The following RARB variants were observed in gnomAD, a reference collection of about 807,000 sequenced individuals.
RARB encodes HBV-activated protein.
RARB carries 17 observed loss-of-function variants against 51.9 expected under a neutral mutation model. That is an observed-to-expected ratio of 0.33 (90% confidence interval 0.22 to 0.49). RARB has a LOEUF of 0.49. RARB is among the 20% of genes least tolerant of loss of function. RARB has a pLI of 0.99. For synonymous variants in RARB, 215 were observed against 195.4 expected, an observed-to-expected ratio of 1.10 and a Z score of -0.84; for missense variants, 369 against 550.8, an observed-to-expected ratio of 0.67 and a Z score of 3.30.
intron 2 of RARB, among the ~76,000 whole-genome samples, chr3:24,969,791 GTT>G (rs1428598395): frequency 6.6e-6 from 1 of 152,096 alleles, no homozygotes; most frequent in Non-Finnish European, 1.5e-5. Context: ...TGGAGAAGAT[GTT>G]TCCTCAGAGA....
chr3:25,261,566 C>A (rs1702998513), intron 5 of RARB, among the ~76,000 whole-genome samples: 1 of 152,118 alleles, frequency 6.6e-6, no homozygotes, highest in Non-Finnish European at 1.5e-5. Flanking sequence ...TTTCAGATGT[C>A]AAATCCACCT....
intron 4 of RARB, among the ~76,000 whole-genome samples, chr3:25,165,808 C>T (rs559117241): frequency 6.6e-6 from 1 of 152,278 alleles, no homozygotes; most frequent in South Asian, 2.1e-4. Flanking sequence ...ATTTACATTA[C>T]TACTCTCATA....
rs533032390 is a variant in RARB, at chr3:25,234,494, C to T, written c.178+59919C>T. On this transcript the variant is annotated intron_variant, in intron 5 of 11. Coordinates refer to the RARB transcript ENST00000383772. ...TGTTTTATTTTTCTCTATAGATTTT[C>T]TGTTTCAAATTTTATTCTATTCTAT... Among the ~76,000 whole-genome samples the T allele has an allele frequency of 5.9e-5, 9 of 152,156 alleles. 1 individual carries two copies. In the South Asian group the frequency reaches 1.9e-3, roughly 32 times the overall value.
chr3:25,428,490 C>G lies in RARB; in HGVS notation c.-242C>G. ...GGAGAACTTGGGATCTTTCTGGGAA[C>G]CCCCCGCCCCGGCTGGATTGGCCGA... On this transcript the variant is annotated 5_prime_UTR_variant, in exon 1 of 8. Transcript: ENST00000330688. 3 of 1,266,902 alleles carry G rather than the reference C, an allele frequency of 2.4e-6. No individual in the cohort carries two copies. The highest frequency in any genetic ancestry group is 3.0e-6 in the Non-Finnish European group (3 of 1,007,778). 78.5% of individuals were successfully genotyped at this position (1,266,902 alleles called of 1,614,324 possible).
At chr3:25,375,092 C>G (rs572915800) in intron 5 of RARB, among the ~76,000 whole-genome samples, 1 of 152,276 alleles carries the variant, frequency 6.6e-6, no homozygotes, top group South Asian at 2.1e-4. Context: ...AATCATTACT[C>G]CACGGTGCTA....
rs528499839 is a variant in RARB at position 25,015,427 on chromosome 3, G to A, written c.-379-44698G>A. ...ATCTTTATAATTTGTTAAAATAACT[G>A]TGAAATAAATGGAATCCTGTTGTCT... is the stretch of plus-strand genomic sequence containing the variant. On this transcript the variant is annotated intron_variant, in intron 2 of 11. Transcript: ENST00000383772. Among the ~76,000 whole-genome samples the A allele has an allele frequency of 9.4e-4, 143 of 152,236 alleles. 1 individual carries two copies. The highest frequency in any genetic ancestry group is 1.9e-3 in the Non-Finnish European group (127 of 68,004).
intron 4 of RARB, among the ~76,000 whole-genome samples, chr3:25,163,743 G>A (rs1700513435): frequency 6.6e-6 from 1 of 151,916 alleles, no homozygotes; most frequent in Admixed American, 6.6e-5. Context: ...ACTAGACGCT[G>A]GGGAGACCAA....
chr3:25,510,593 TC>T (rs746445370), intron 3 of RARB, among the ~76,000 whole-genome samples: 4 of 151,706 alleles, frequency 2.6e-5, no homozygotes, highest in Non-Finnish European at 5.9e-5. Flanking sequence ...GCCACTGCAC[TC>T]CAGCCTGGGC....
At chr3:25,124,437 T>C (rs1445909765) in intron 3 of RARB, among the ~76,000 whole-genome samples, 1 of 152,180 alleles carries the variant, frequency 6.6e-6, no homozygotes, top group Non-Finnish European at 1.5e-5. Flanking sequence ...TGGTCTTCAT[T>C]TCTTATATAA....
intron 5 of RARB, among the ~76,000 whole-genome samples, chr3:25,325,595 C>T (rs1704692787): frequency 6.6e-6 from 1 of 152,090 alleles, no homozygotes; most frequent in Non-Finnish European, 1.5e-5. Flanking sequence ...ACCCCAACTC[C>T]TCATCTATTC....
chr3:25,474,607 A>G (rs1332196007), intron 2 of RARB, among the ~76,000 whole-genome samples: 5 of 152,190 alleles, frequency 3.3e-5, no homozygotes, highest in Admixed American at 6.5e-5. Context: ...CAGTTTGTCA[A>G]TCTCATGATT....
At chr3:25,543,132 CAAAG>C (rs1315373295) in intron 3 of RARB, among the ~76,000 whole-genome samples, 8 of 152,098 alleles carry the variant, frequency 5.3e-5, no homozygotes, top group African/African-American at 1.7e-4. Context: ...GGCCTTGTGA[CAAAG>C]AATATTTGGC....
chr3:25,105,724 C>A (rs1699486768), intron 3 of RARB, among the ~76,000 whole-genome samples: 1 of 152,160 alleles, frequency 6.6e-6, no homozygotes, highest in Non-Finnish European at 1.5e-5. Flanking sequence ...TTGCCAGTCT[C>A]TTTTTTCCAT....
chr3:24,998,209 T>G (rs920272716), intron 2 of RARB, among the ~76,000 whole-genome samples: 2 of 152,104 alleles, frequency 1.3e-5, no homozygotes, highest in Admixed American at 6.6e-5. Flanking sequence ...CTTGGGCTAA[T>G]TTAGCTAATT....
chr3:25,390,129 G>T (rs1706908825), intron 5 of RARB, among the ~76,000 whole-genome samples: 2 of 152,128 alleles, frequency 1.3e-5, no homozygotes, highest in Admixed American at 6.6e-5. Flanking sequence ...GACATTAAGA[G>T]GTGGGACTTT....
chr3:25,224,824 C>T (rs1343687261), intron 5 of RARB, among the ~76,000 whole-genome samples: 3 of 151,902 alleles, frequency 2.0e-5, no homozygotes, highest in South Asian at 2.1e-4. Flanking sequence ...AGGCTGGTCT[C>T]GGACTCCTAG....
chr3:25,283,074 G>T (rs1178809480), intron 5 of RARB, among the ~76,000 whole-genome samples: 6 of 152,108 alleles, frequency 3.9e-5, no homozygotes, highest in African/African-American at 1.4e-4. Flanking sequence ...GCTGGCTGTA[G>T]GTCTCACAAG....
chr3:25,445,681 A>G (rs1708899465), intron 1 of RARB, among the ~76,000 whole-genome samples: 1 of 152,154 alleles, frequency 6.6e-6, no homozygotes, highest in Admixed American at 6.5e-5. Context: ...AAAAATAATA[A>G]GGAATATCAG....
intron 5 of RARB, among the ~76,000 whole-genome samples, chr3:25,348,013 C>T (rs11721271): frequency 0.12 from 17,879 of 152,176 alleles, 1,146 homozygotes; most frequent in South Asian, 0.2. Flanking sequence ...TCATTGCAAA[C>T]GTACTGATTA....
Sources: gnomAD v4.1 joint callset for allele counts (sites outside exome capture counted in the v4.1 genomes callset) on GRCh38, gnomAD v4.1.1 for gene constraint, MANE v1.5 for transcripts, NCBI Gene and HGNC (gene_info 2026-07-23, HGNC 2026-07-21) for gene names.